The following PABPC4L variants were observed in gnomAD, a reference collection of about 807,000 sequenced individuals.
PABPC4L encodes polyadenylate-binding protein 4-like.
For synonymous variants in PABPC4L, 169 were observed against 164.1 expected (o/e 1.03, Z -0.23); for missense variants, 452 against 451.4 (o/e 1.00, Z -0.01).
chr4:134,000,756 C>T, the PABPC4L span, among the ~76,000 whole-genome samples: 1 of 152,034 alleles, frequency 6.6e-6, no homozygotes, highest in Non-Finnish European at 1.5e-5. Context: ...GGACTCCACC[C>T]CTCTCTGCCT....
chr4:134,128,030 C>T, the PABPC4L span, among the ~76,000 whole-genome samples: 31,828 of 151,954 alleles, frequency 0.21, 4,124 homozygotes, highest in Non-Finnish European at 0.27. Context: ...AAAGTTTCAA[C>T]AATAGAATCA....
chr4:134,040,964 T>C, the PABPC4L span, among the ~76,000 whole-genome samples: 82 of 151,748 alleles, frequency 5.4e-4, no homozygotes, highest in East Asian at 9.9e-3. Context: ...CCAACAAACA[T>C]ATGAAAAAAA....
At chr4:134,043,663 G>T in the PABPC4L span, among the ~76,000 whole-genome samples, 2 of 148,494 alleles carry the variant, frequency 1.3e-5, no homozygotes, top group East Asian at 2.3e-4. Context: ...TGCCAAAAAT[G>T]TACTTTTTTA....
chr4:134,165,218 G>C, the PABPC4L span, among the ~76,000 whole-genome samples: 1 of 152,048 alleles, frequency 6.6e-6, no homozygotes, highest in Non-Finnish European at 1.5e-5. Flanking sequence ...TTGGACATTG[G>C]CCTAGGCAAA....
the PABPC4L span, among the ~76,000 whole-genome samples, chr4:134,047,306 C>T: frequency 5.9e-5 from 9 of 152,118 alleles, no homozygotes; most frequent in East Asian, 1.2e-3. Flanking sequence ...TGAAATATAA[C>T]GGATCCCTTC....
the PABPC4L span, among the ~76,000 whole-genome samples, chr4:134,137,518 C>T: frequency 1.8e-4 from 27 of 151,814 alleles, no homozygotes; most frequent in African/African-American, 5.8e-4. Context: ...TAGTTTCAAA[C>T]GGCATTCTTA....
the PABPC4L span, among the ~76,000 whole-genome samples, chr4:133,957,593 C>A: frequency 6.6e-6 from 1 of 152,178 alleles, no homozygotes; most frequent in Non-Finnish European, 1.5e-5. Context: ...CCAGTAGAGA[C>A]TCTGTGTGGG....
rs1420556687 is a variant in PABPC4L at position 134,197,769 on chromosome 4, T to A, written c.*2138A>T. Reference sequence around the variant, plus strand: ...GAAATGGTTTGTTTTACATATCATGTTGAATTGACCAACAGCTTAAAAAAA... The same window carrying A: ...GAAATGGTTTGTTTTACATATCATGATGAATTGACCAACAGCTTAAAAAAA... On this transcript the variant is annotated 3_prime_UTR_variant, in exon 2 of 2. Transcript: ENST00000421491. 6.6e-6 allele frequency: 1 copy of A among 151,770 alleles called. No homozygotes were observed. Among genetic ancestry groups the A allele is most frequent in the Non-Finnish European group, 1.5e-5 (1 of 67,686 alleles). The allele number at this position is 151,770 out of a possible 1,614,324, so 9.4% of individuals were successfully genotyped here.
chr4:134,060,133 G>C, the PABPC4L span, among the ~76,000 whole-genome samples: 1 of 152,060 alleles, frequency 6.6e-6, no homozygotes, highest in East Asian at 1.9e-4. Context: ...TCCCACCCAT[G>C]GAGATAGCAT....
chr4:134,135,036 C>T, the PABPC4L span, among the ~76,000 whole-genome samples: 5 of 151,928 alleles, frequency 3.3e-5, no homozygotes, highest in Admixed American at 6.6e-5. Context: ...CGAGAACTAG[C>T]GAATTAATAC....
At chr4:134,034,831 T>C in the PABPC4L span, among the ~76,000 whole-genome samples, 1 of 151,984 alleles carries the variant, frequency 6.6e-6, no homozygotes, top group Non-Finnish European at 1.5e-5. Context: ...TGAACACTGT[T>C]GAAATGACAA....
At chr4:133,957,651 C>T in the PABPC4L span, among the ~76,000 whole-genome samples, 1 of 152,174 alleles carries the variant, frequency 6.6e-6, no homozygotes, top group Non-Finnish European at 1.5e-5. Context: ...CAGAGGTTCT[C>T]CATGAGGGAT....
At chr4:134,037,336 G>T in the PABPC4L span, among the ~76,000 whole-genome samples, 2 of 151,964 alleles carry the variant, frequency 1.3e-5, no homozygotes, top group African/African-American at 2.4e-5. Context: ...GTGTTTTATA[G>T]TTCTCCTTGT....
chr4:134,137,657 C>A, the PABPC4L span, among the ~76,000 whole-genome samples: 2 of 151,860 alleles, frequency 1.3e-5, no homozygotes, highest in African/African-American at 4.8e-5. Flanking sequence ...ATCCAATCAG[C>A]CATCAAAGTA....
chr4:134,103,213 A>G, the PABPC4L span, among the ~76,000 whole-genome samples: 1 of 151,670 alleles, frequency 6.6e-6, no homozygotes, highest in Non-Finnish European at 1.5e-5. Flanking sequence ...TTTATTAGAT[A>G]AGGTGTCACT....
At chr4:133,949,037 A>G in the PABPC4L span, among the ~76,000 whole-genome samples, 5 of 152,284 alleles carry the variant, frequency 3.3e-5, no homozygotes, top group East Asian at 9.7e-4. Flanking sequence ...CCATACCTCC[A>G]AGGTTCCTGG....
chr4:134,035,747 T>A, the PABPC4L span, among the ~76,000 whole-genome samples: 1 of 152,174 alleles, frequency 6.6e-6, no homozygotes, highest in African/African-American at 2.4e-5. Context: ...GCTCTTCATG[T>A]GAAGGTCATT....
chr4:134,107,849 A>G, the PABPC4L span, among the ~76,000 whole-genome samples: 22 of 151,534 alleles, frequency 1.5e-4, no homozygotes, highest in Non-Finnish European at 4.4e-5. Flanking sequence ...TAAATATTAA[A>G]TTATTTCCTT....
In PABPC4L at chr4:134,200,151, C is replaced by A. The variant is rs1304724331; in HGVS notation, c.869G>T (p.Cys290Phe). The A allele has an allele frequency of 5.2e-6, 8 of 1,551,592 alleles. No individual in the cohort carries two copies. The highest frequency in any genetic ancestry group is 1.4e-5 in the African/African-American group (1 of 73,062). Reference protein sequence around the residue: ...EQLKRERIRGCQGVKLYIKNL... With the variant: ...EQLKRERIRGFQGVKLYIKNL... ...CTTAATATAGAGTTTTACCCCCTGGCACCCACGAATTCGTTCCCTTTTCAG... is the reference window on the plus strand; with the variant it reads ...CTTAATATAGAGTTTTACCCCCTGGAACCCACGAATTCGTTCCCTTTTCAG... The change falls in exon 2 of 2, where the codon TGC (cysteine) becomes TTC (phenylalanine). Residue 290 changes from cysteine to phenylalanine, a missense_variant. Physicochemically the swap from Cys to Phe is radical, Grantham distance 205. Coordinates refer to ENST00000421491, the MANE Select transcript of PABPC4L (RefSeq NM_001114734.2).
Sources: gnomAD v4.1 joint callset for allele counts (sites outside exome capture counted in the v4.1 genomes callset) on GRCh38, gnomAD v4.1.1 for gene constraint, MANE v1.5 for transcripts, NCBI Gene and HGNC (gene_info 2026-07-23, HGNC 2026-07-21) for gene names.